The following RGS7 variants were observed in gnomAD, a reference collection of about 807,000 sequenced individuals.
The protein encoded by RGS7 is regulator of G-protein signaling 7.
RGS7 carries 27 observed loss-of-function variants against 81.1 expected under a neutral mutation model. That is an observed-to-expected ratio of 0.33 (90% CI 0.25 to 0.46). The LOEUF (loss-of-function observed/expected upper bound fraction) is 0.46. Ranked by LOEUF, RGS7 falls within the 20% of genes least tolerant of loss-of-function variation. The pLI is 1.00. For missense variants in RGS7, 396 were observed against 607.4 expected (o/e 0.65, Z 3.66); for synonymous variants, 208 against 207.7 (o/e 1.00, Z -0.01).
intron 2 of RGS7, among the ~76,000 whole-genome samples, chr1:241,132,911 C>G (rs571835958): frequency 2.0e-5 from 3 of 151,978 alleles, no homozygotes; most frequent in African/African-American, 7.2e-5. Context: ...TACAGGTGCC[C>G]ACCACCAAGC....
At chr1:241,166,685 C>A (rs138037369) in intron 2 of RGS7, among the ~76,000 whole-genome samples, 187 of 152,292 alleles carry the variant, frequency 1.2e-3, no homozygotes, top group African/African-American at 4.2e-3. Context: ...GCTTCAAGCC[C>A]CTGCCAGTCT....
chr1:241,083,664 T>C (rs2063276820), intron 3 of RGS7, among the ~76,000 whole-genome samples: 1 of 152,240 alleles, frequency 6.6e-6, no homozygotes, highest in South Asian at 2.1e-4. Context: ...ATTTTTTTCC[T>C]AATGAACTTT....
chr1:241,252,511 T>A (rs2076883143), intron 2 of RGS7, among the ~76,000 whole-genome samples: 1 of 152,184 alleles, frequency 6.6e-6, no homozygotes, highest in South Asian at 2.1e-4. Flanking sequence ...TTGAGAAACA[T>A]CACTATATTT....
chr1:240,937,121 C>T lies in RGS7; in HGVS notation c.227-415G>A, dbSNP rs572350083. Among the ~76,000 whole-genome samples the T allele has an allele frequency of 7.7e-3, 1,171 of 152,222 alleles. 16 individuals are homozygous for T. Among genetic ancestry groups the T allele is most frequent in the African/African-American group, 0.026 (1,099 of 41,544 alleles). On this transcript the variant is annotated intron_variant, in intron 4 of 18. Coordinates refer to ENST00000440928, the MANE Select transcript of RGS7 (RefSeq NM_001364886.1). Reference sequence around the variant, plus strand: ...CCCTTCCCACCTAATTAGCCATATTCAATTTTAAACAGTAGCCAATCGGGT... The same window carrying T: ...CCCTTCCCACCTAATTAGCCATATTTAATTTTAAACAGTAGCCAATCGGGT...
At chr1:241,221,051 GAA>G (rs1193422854) in intron 2 of RGS7, among the ~76,000 whole-genome samples, 1,619 of 113,330 alleles carry the variant, frequency 0.014, 38 homozygotes, top group Middle Eastern at 0.026. Flanking sequence ...AAGAAAGAAA[GAA>G]AGAAAGAGAG....
At position 240,816,370 on chromosome 1, in the gene RGS7, G is replaced by A. The variant is rs1160188284; in HGVS notation, c.730C>T (p.His244Tyr). The A allele has an allele frequency of 1.2e-6, 2 of 1,611,996 alleles. No individual in the cohort carries two copies. Among genetic ancestry groups the A allele is most frequent in the Non-Finnish European group, 1.7e-6 (2 of 1,178,216 alleles). ...QNDIRSHSPT[H>Y]TPTPETKPPT... The stretch of plus-strand genomic sequence containing the variant: ...GGTTTAGTTTCTGGTGTGGGTGTGT[G>A]GGTAGGACTGTGACTTCTAATATCA... The change falls in exon 11 of 19, where the codon CAC becomes TAC. Residue 244 changes from histidine to tyrosine, a missense_variant. Physicochemically the swap from His to Tyr is moderately conservative, Grantham distance 83 (BLOSUM62 2). Transcript: ENST00000440928.
chr1:241,108,865 T>C (rs1417332458), intron 2 of RGS7, among the ~76,000 whole-genome samples: 1 of 152,166 alleles, frequency 6.6e-6, no homozygotes, highest in Non-Finnish European at 1.5e-5. Context: ...CCTCTCCAAC[T>C]TGACAATTTT....
At chr1:240,928,033 A>C (rs1399618144) in intron 6 of RGS7, among the ~76,000 whole-genome samples, 1 of 152,164 alleles carries the variant, frequency 6.6e-6, no homozygotes, top group African/African-American at 2.4e-5. Context: ...CTATGTAGAA[A>C]CACTTATTTA....
rs564112761 is a variant in RGS7 at position 241,092,895 on chromosome 1, G to C, written c.175+5771C>G. Among the ~76,000 whole-genome samples, 4 of 151,598 alleles carry C rather than the reference G, an allele frequency of 2.6e-5. No homozygotes were observed. In the South Asian group the frequency reaches 8.3e-4, roughly 32 times the overall value. ...AACAATTAGAAGACAAAGAAAGGCA[G>C]ATATGTCAGGGATGAATCACATGAG... On this transcript the variant is annotated intron_variant, in intron 3 of 18. Transcript: ENST00000440928.
chr1:240,873,251 C>T (rs1326835741), intron 6 of RGS7, among the ~76,000 whole-genome samples: 1 of 152,100 alleles, frequency 6.6e-6, no homozygotes, highest in Non-Finnish European at 1.5e-5. Context: ...ATATTTCCTG[C>T]TGTGATGAAA....
At chr1:241,282,172 C>A (rs1469086898) in intron 2 of RGS7, among the ~76,000 whole-genome samples, 1 of 152,170 alleles carries the variant, frequency 6.6e-6, no homozygotes, top group African/African-American at 2.4e-5. Context: ...GTCCCCAGTG[C>A]CCAGTGTCTA....
intron 2 of RGS7, among the ~76,000 whole-genome samples, chr1:241,250,364 C>T (rs563967136): frequency 6.6e-6 from 1 of 152,196 alleles, no homozygotes; most frequent in African/African-American, 2.4e-5. Flanking sequence ...ATTGTGTAAT[C>T]GATTCTTCAT....
chr1:241,089,063 C>CTCTCTCTCTCTCTCTCTCTCTATATA (rs1374552672), intron 3 of RGS7, among the ~76,000 whole-genome samples: 1 of 23,686 alleles, frequency 4.2e-5, no homozygotes, highest in African/African-American at 2.3e-4. Context: ...CTCTCTCTCT[C>CTCTCTCTCTCTCTCTCTCTCTATATA]TATATATATA....
chr1:241,188,170 T>A (rs2072289573), intron 2 of RGS7, among the ~76,000 whole-genome samples: 1 of 152,194 alleles, frequency 6.6e-6, no homozygotes. Context: ...ACACATTGTA[T>A]GCATGCCATC....
intron 4 of RGS7, among the ~76,000 whole-genome samples, chr1:240,967,185 G>GAT (rs1682448623): frequency 6.6e-6 from 1 of 152,144 alleles, no homozygotes; most frequent in Non-Finnish European, 1.5e-5. Context: ...CTGACAGTCG[G>GAT]ATATGAGACT....
At position 240,840,032 on chromosome 1, in the gene RGS7, A is replaced by G. The variant is rs767219488; in HGVS notation, c.610-12860T>C. On this transcript the variant is annotated intron_variant, in intron 9 of 18. Coordinates refer to ENST00000440928, the MANE Select transcript of RGS7 (RefSeq NM_001364886.1). ...GCTTCCCTCCACCCTCACTGTTACC[A>G]CCCTGCTCCAAGCTGCCATGATCTC... Among the ~76,000 whole-genome samples, 3 of 151,816 alleles carry G rather than the reference A, an allele frequency of 2.0e-5. 1 individual carries two copies. The highest frequency in any genetic ancestry group is 2.9e-5 in the Non-Finnish European group (2 of 67,960).
intron 2 of RGS7, among the ~76,000 whole-genome samples, chr1:241,114,886 A>G (rs1426852851): frequency 2.6e-5 from 4 of 152,168 alleles, no homozygotes; most frequent in Non-Finnish European, 2.9e-5. Context: ...ACTGAAGGGC[A>G]CCAGGGAAGA....
At chr1:240,783,021 T>C (rs977564555) in intron 18 of RGS7, among the ~76,000 whole-genome samples, 1 of 152,180 alleles carries the variant, frequency 6.6e-6, no homozygotes, top group South Asian at 2.1e-4. Flanking sequence ...AATGGAAATA[T>C]GCTAGAAAAA....
At chr1:240,900,595 G>C (rs1669838282) in intron 6 of RGS7, among the ~76,000 whole-genome samples, 1 of 152,140 alleles carries the variant, frequency 6.6e-6, no homozygotes, top group Non-Finnish European at 1.5e-5. Context: ...ACCAGCTGAG[G>C]CTACACAACA....
Sources: gnomAD v4.1 joint callset for allele counts (sites outside exome capture counted in the v4.1 genomes callset) on GRCh38, gnomAD v4.1.1 for gene constraint, MANE v1.5 for transcripts, NCBI Gene and HGNC (gene_info 2026-07-23, HGNC 2026-07-21) for gene names.